PHLDB2: variants seen among roughly 807,000 people sequenced by gnomAD.
PHLDB2 encodes the protein pleckstrin homology-like domain family B member 2.
In PHLDB2, 71 loss-of-function variants were observed where a neutral mutation model predicts 123.6. The ratio of observed to expected loss-of-function variants is 0.57; its 90% CI spans 0.47 to 0.70. The LOEUF is 0.70. PHLDB2 is among the 30% of genes least tolerant of loss of function. PHLDB2 has a pLI of 0.00. For missense variants in PHLDB2, 1,446 were observed against 1,519.5 expected (o/e 0.95, Z 0.80); for synonymous variants, 547 against 541.6 (o/e 1.01, Z -0.14).
intron 6 of PHLDB2, among the ~76,000 whole-genome samples, chr3:111,935,093 A>ATTTTTTTTTTTTTTTTTTTTTTTTT (rs34291565): frequency 2.7e-5 from 2 of 75,168 alleles, no homozygotes; most frequent in Non-Finnish European, 5.0e-5. Flanking sequence ...TGGTATCTTG[A>ATTTTTTTTTTTTTTTTTTTTTTTTT]TTTTTTTTTT....
chr3:111,846,166 A>G (rs1300226778), intron 2 of PHLDB2: 4 of 420,938 alleles, frequency 9.5e-6, no homozygotes, highest in African/African-American at 4.0e-5. Flanking sequence ...TTTAGTCCAG[A>G]TGCTGAAGGA....
chr3:111,881,263 T>G (rs2065912032), intron 1 of PHLDB2, among the ~76,000 whole-genome samples: 1 of 152,220 alleles, frequency 6.6e-6, no homozygotes, highest in South Asian at 2.1e-4. Flanking sequence ...CTGGTACATA[T>G]CAGACAATTC....
chr3:111,841,161 G>C (rs548280455), intron 1 of PHLDB2, among the ~76,000 whole-genome samples: 1 of 152,130 alleles, frequency 6.6e-6, no homozygotes, highest in South Asian at 2.1e-4. Context: ...GTGCAATGGC[G>C]TGATCTTGGC....
At chr3:111,740,200 G>A (rs1055948413) in intron 1 of PHLDB2, among the ~76,000 whole-genome samples, 5 of 152,272 alleles carry the variant, frequency 3.3e-5, no homozygotes, top group Admixed American at 1.3e-4. Context: ...CCTAGGGAGT[G>A]CTAAGACCCT....
chr3:111,805,425 G>A (rs1466024120), intron 1 of PHLDB2, among the ~76,000 whole-genome samples: 1 of 151,670 alleles, frequency 6.6e-6, no homozygotes, highest in Non-Finnish European at 1.5e-5. Flanking sequence ...GCTGGGCATG[G>A]TGGCGCATGC....
rs560789846 is a variant in PHLDB2 at position 111,973,651 on chromosome 3, A to G, written c.3536-81A>G. ...AATTAAATACTTTGTAAATATTTTA[A>G]TGATTATAATTGTAATAAAATTATT... On this transcript the variant is annotated intron_variant, in intron 16 of 17. Transcript: ENST00000431670. The G allele has an allele frequency of 5.3e-6, 4 of 751,212 alleles. No homozygotes were observed. The South Asian group carries it at 8.3e-5, about 16-fold the overall frequency. The allele number at this position is 751,212 out of a possible 1,614,324, so 46.5% of individuals were successfully genotyped here. A position where few individuals can be genotyped will look rare whatever the true frequency, so the allele number is the denominator to read the frequency against.
At chr3:111,883,929 T>G (rs2066054826) in intron 1 of PHLDB2, 135 bp from the exon 2 acceptor site, 1 of 779,074 alleles carries the variant, frequency 1.3e-6, no homozygotes, top group Non-Finnish European at 2.0e-6. Context: ...ACAGGTTTTT[T>G]AGTAAAACTG....
At chr3:111,782,446 A>T (rs936847257) in intron 1 of PHLDB2, among the ~76,000 whole-genome samples, 2 of 152,146 alleles carry the variant, frequency 1.3e-5, no homozygotes, top group African/African-American at 2.4e-5. Flanking sequence ...CTTTGAGCTC[A>T]AAAGCTCAAG....
At chr3:111,894,931 C>CGTGTGTGT (rs140190800) in intron 2 of PHLDB2, among the ~76,000 whole-genome samples, 24 of 149,816 alleles carry the variant, frequency 1.6e-4, no homozygotes, top group African/African-American at 2.0e-4. Flanking sequence ...TGCTGGTTTG[C>CGTGTGTGT]GTGTGTGTGT....
In PHLDB2 at chr3:111,949,022, G is replaced by T; in HGVS notation, c.2578G>T (p.Val860Phe). ...TCAGTTTCCTGCTGATGCTGATGCT[G>T]TTGCCACTGAGCCTGCCACAGCTGT... Reference protein sequence around the residue: ...STQFPADADAVATEPATAVLA... With the variant: ...STQFPADADAFATEPATAVLA... Residue 860 changes from valine to phenylalanine, a missense_variant, in exon 10 of 18, where the codon GTT becomes TTT. By Grantham distance (50) the Val-to-Phe change is conservative. This residue lies in a region of PHLDB2 where 594 missense variants were observed against 646.0 expected (regional missense o/e 0.92). Transcript: ENST00000431670. 6.2e-7 allele frequency: 1 copy of T among 1,613,830 alleles called. No homozygotes were observed. Among genetic ancestry groups the T allele is most frequent in the Non-Finnish European group, 8.5e-7 (1 of 1,179,964 alleles).
At chr3:111,866,103 C>T (rs949047443) in intron 1 of PHLDB2, among the ~76,000 whole-genome samples, 5 of 141,814 alleles carry the variant, frequency 3.5e-5, no homozygotes, top group African/African-American at 1.3e-4. Context: ...ACTGCAACCT[C>T]GGCCTCCCAG....
chr3:111,973,673 T>C, intron 16 of PHLDB2, 59 bp from the exon 17 acceptor site: 3 of 885,510 alleles, frequency 3.4e-6, no homozygotes, highest in Non-Finnish European at 5.4e-6. Context: ...GTAATAAAAT[T>C]ATTATTTTTT....
intron 1 of PHLDB2, among the ~76,000 whole-genome samples, chr3:111,744,082 T>C (rs2059645623): frequency 6.6e-6 from 1 of 151,986 alleles, no homozygotes; most frequent in African/African-American, 2.4e-5. Context: ...TCCTAAAGAG[T>C]ACTTATAAAT....
intron 2 of PHLDB2, among the ~76,000 whole-genome samples, chr3:111,887,608 G>A (rs1265186241): frequency 6.6e-6 from 1 of 152,082 alleles, no homozygotes; most frequent in Non-Finnish European, 1.5e-5. Context: ...GAATGCCAAA[G>A]GGTTTTCCCC....
intron 2 of PHLDB2, among the ~76,000 whole-genome samples, chr3:111,851,559 C>T (rs2064257054): frequency 6.6e-6 from 1 of 152,140 alleles, no homozygotes; most frequent in Admixed American, 6.5e-5. Context: ...TTGAGACTGA[C>T]ACCTTGTTTA....
At chr3:111,745,043 T>A (rs977073309) in intron 1 of PHLDB2, among the ~76,000 whole-genome samples, 2 of 152,068 alleles carry the variant, frequency 1.3e-5, no homozygotes, top group African/African-American at 4.8e-5. Context: ...AATAAGCTCA[T>A]AACAGAGAAG....
intron 1 of PHLDB2, among the ~76,000 whole-genome samples, chr3:111,806,549 A>G (rs566398315): frequency 1.7e-4 from 26 of 151,042 alleles, no homozygotes; most frequent in African/African-American, 5.8e-4. Context: ...CAGTGGCTCA[A>G]TCTTGGCTCA....
At chr3:111,830,000 A>G (rs2062868108) in intron 1 of PHLDB2, among the ~76,000 whole-genome samples, 2 of 151,568 alleles carry the variant, frequency 1.3e-5, no homozygotes, top group African/African-American at 4.9e-5. Context: ...TAAAAGATTT[A>G]GATTCAGAGT....
intron 1 of PHLDB2, among the ~76,000 whole-genome samples, chr3:111,756,948 C>G (rs1305757875): frequency 6.6e-6 from 1 of 152,092 alleles, no homozygotes; most frequent in African/African-American, 2.4e-5. Context: ...GTTGAAAATT[C>G]TTTTCTTTAA....
Sources: allele counts gnomAD v4.1 joint callset (sites outside exome capture counted in the v4.1 genomes callset), GRCh38; gene constraint gnomAD v4.1.1; regional missense constraint gnomAD v4.1.1; transcripts MANE v1.5; gene names NCBI Gene and HGNC (gene_info 2026-07-23, HGNC 2026-07-21).